The following SCN1A variants were observed in gnomAD, a reference collection of about 807,000 sequenced individuals.
The protein encoded by SCN1A is sodium channel protein type 1 subunit alpha.
A neutral mutation model predicts 193.7 loss-of-function variants in SCN1A; 13 were observed. The observed-to-expected ratio is 0.07, with a 90% CI of 0.04 to 0.11. The LOEUF (loss-of-function observed/expected upper bound fraction) is 0.11. Among genes scored for constraint, SCN1A ranks in the 10% least tolerant of loss-of-function variants. The pLI, the probability that SCN1A is intolerant of heterozygous loss-of-function variation, is 1.00. For synonymous variants in SCN1A, 781 were observed against 843.6 expected (o/e 0.93, Z 1.29); for missense variants, 1,432 against 2,451.1 (o/e 0.58, Z 8.78).
intron 23 of SCN1A, among the ~76,000 whole-genome samples, chr2:166,006,334 T>G (rs866140745): frequency 1.3e-5 from 2 of 151,414 alleles, no homozygotes; most frequent in African/African-American, 4.8e-5. Flanking sequence ...AAATTCTGAC[T>G]TTTTCTGTCT....
upstream of SCN1A, among the ~76,000 whole-genome samples, chr2:166,128,553 A>C (rs1211153235): frequency 6.6e-6 from 1 of 152,172 alleles, no homozygotes; most frequent in African/African-American, 2.4e-5. Context: ...TGTGAGTTTT[A>C]CTTCAACACT....
intron 23 of SCN1A, among the ~76,000 whole-genome samples, chr2:166,004,983 A>G (rs955618910): frequency 9.2e-5 from 14 of 151,448 alleles, no homozygotes; most frequent in Admixed American, 5.3e-4. Context: ...CATTTGGCAT[A>G]TGAGAAAAAT....
Position 165,992,483 on chromosome 2 carries a change from GTTTC to G in SCN1A, c.4853-65_4853-62del, listed in dbSNP as rs563909009. ...AAATCATGCGTTAAAATAAACATAT[GTTTC>G]TTCTAAAGCTCCAAGGTAAGGTTCA... On this transcript the variant is annotated intron_variant, in intron 28 of 28. Transcript: ENST00000674923. This position sits in a 1 kb window ranked among gnomAD's most constrained non-coding sequence, Gnocchi z 6.5. 234 of 1,595,028 alleles carry G rather than the reference GTTTC, an allele frequency of 1.5e-4. 2 individuals carry two copies. The African/African-American group carries it at 2.6e-3, about 18-fold the overall frequency.
At chr2:165,995,629 T>C (rs1195141993) in intron 27 of SCN1A, among the ~76,000 whole-genome samples, 2 of 151,774 alleles carry the variant, frequency 1.3e-5, no homozygotes, top group African/African-American at 4.8e-5. Flanking sequence ...TATTAGGAAA[T>C]TGCATTTCTT....
chr2:166,101,944 A>T (rs1227394424), intron 2 of SCN1A, among the ~76,000 whole-genome samples: 2 of 152,256 alleles, frequency 1.3e-5, no homozygotes, highest in Admixed American at 6.5e-5. Flanking sequence ...GACAACCAGC[A>T]GAATGGGAGA....
chr2:166,057,454 A>G (rs1699245690), intron 5 of SCN1A, among the ~76,000 whole-genome samples: 1 of 151,992 alleles, frequency 6.6e-6, no homozygotes, highest in South Asian at 2.1e-4. Context: ...AGGGTCCAGG[A>G]CTAGAATATA....
chr2:166,013,164 G>A (rs924855443), intron 21 of SCN1A, among the ~76,000 whole-genome samples: 2 of 151,226 alleles, frequency 1.3e-5, no homozygotes, highest in Non-Finnish European at 3.0e-5. Flanking sequence ...AAAATAAATT[G>A]ATTCTGATGA....
chr2:165,988,168 A>G lies in SCN1A; in HGVS notation c.*3077T>C, dbSNP rs946222451. 4 of 152,092 alleles carry G rather than the reference A, an allele frequency of 2.6e-5. No individual in the cohort carries two copies. Among genetic ancestry groups the G allele is most frequent in the Non-Finnish European group, 5.9e-5 (4 of 68,020 alleles). 9.4% of individuals were successfully genotyped at this position (152,092 alleles called of 1,614,324 possible). A position where few individuals can be genotyped will look rare whatever the true frequency, so the allele number is the denominator to read the frequency against. ...TCTGGACCACCCGAGTAACCTTTCC[A>G]TGATATCTGTGAATTCTGCACTGGA... is the stretch of plus-strand genomic sequence containing the variant. On this transcript the variant is annotated 3_prime_UTR_variant, in exon 29 of 29. Transcript: ENST00000674923.
intron 1 of SCN1A, chr2:166,133,729 G>A (rs1210954142): frequency 2.0e-5 from 3 of 152,018 alleles, no homozygotes; most frequent in Non-Finnish European, 4.4e-5. Flanking sequence ...ACTAAATGTC[G>A]TTTTTCAAAA....
intron 19 of SCN1A, among the ~76,000 whole-genome samples, chr2:166,016,889 C>T (rs1693383635): frequency 6.6e-6 from 1 of 151,450 alleles, no homozygotes; most frequent in Non-Finnish European, 1.5e-5. Context: ...AAATTAAACA[C>T]AATATTAAAA....
At position 166,041,315 on chromosome 2, in the gene SCN1A, A is replaced by G; in HGVS notation, c.2331T>C (p.Cys777=). The change falls in exon 16 of 29, where the codon TGT becomes TGC. Residue 777 remains cysteine, a synonymous_variant. Coordinates refer to ENST00000674923, the MANE Select transcript of SCN1A (RefSeq NM_001165963.4). ...DPFVDLAITI[C]IVLNTLFMAM... ...CCATGAAAAGAGTATTTAAGACAAT[A>G]CAGATGGTGATGGCCAGGTCAACAA... The G allele has an allele frequency of 6.2e-7, 1 of 1,614,072 alleles. No homozygotes were observed. Among genetic ancestry groups the G allele is most frequent in the Non-Finnish European group, 8.5e-7 (1 of 1,179,958 alleles).
chr2:166,076,151 TG>T (rs1684966284), intron 3 of SCN1A, among the ~76,000 whole-genome samples: 1 of 151,968 alleles, frequency 6.6e-6, no homozygotes, highest in African/African-American at 2.4e-5. Flanking sequence ...ATGTTAAAAT[TG>T]TTAGGTGATT....
chr2:166,069,061 GA>G (rs1456228318), intron 4 of SCN1A, among the ~76,000 whole-genome samples: 1 of 151,940 alleles, frequency 6.6e-6, no homozygotes, highest in Admixed American at 6.6e-5. Flanking sequence ...AGGAAACTGT[GA>G]AAAAAAGTCC....
intron 2 of SCN1A, among the ~76,000 whole-genome samples, chr2:166,112,142 G>A (rs1689359486): frequency 6.6e-6 from 1 of 152,252 alleles, no homozygotes; most frequent in African/African-American, 2.4e-5. Context: ...CTATCAAACA[G>A]CATCACATGC....
At chr2:166,014,415 A>G (rs563634858) in intron 20 of SCN1A, among the ~76,000 whole-genome samples, 2 of 151,726 alleles carry the variant, frequency 1.3e-5, no homozygotes, top group South Asian at 4.1e-4. Flanking sequence ...GCTAATTTGT[A>G]TGATTTGGCT....
chr2:166,119,531 T>C (rs1446146915), intron 2 of SCN1A, among the ~76,000 whole-genome samples: 1 of 152,170 alleles, frequency 6.6e-6, no homozygotes, highest in African/African-American at 2.4e-5. Context: ...AAACAACTCA[T>C]TGCAAATAGT....
In SCN1A at chr2:165,989,063, T is replaced by TGTGTGTGC. The variant is rs1688800366; in HGVS notation, c.*2181_*2182insGCACACAC. The TGTGTGTGC allele has an allele frequency of 1.7e-5, 1 of 58,722 alleles. No individual in the cohort carries two copies. The highest frequency in any genetic ancestry group is 4.4e-5 in the African/African-American group (1 of 22,590). 3.6% of individuals were successfully genotyped at this position (58,722 alleles called of 1,614,324 possible). ...GTGTGTGTGTGTGTGTGTGTGTGTG[T>TGTGTGTGC]GTGTGCGCGCGCGCTCCCCTTCTCC... On this transcript the variant is annotated 3_prime_UTR_variant, in exon 29 of 29. Coordinates refer to ENST00000674923, the MANE Select transcript of SCN1A (RefSeq NM_001165963.4).
At chr2:166,076,496 T>A (rs566830143) in intron 3 of SCN1A, among the ~76,000 whole-genome samples, 1 of 150,950 alleles carries the variant, frequency 6.6e-6, no homozygotes, top group East Asian at 1.9e-4. Flanking sequence ...TAATTTAATT[T>A]CTGTCAAAAT....
chr2:166,004,584 C>T (rs138345969), intron 23 of SCN1A, among the ~76,000 whole-genome samples: 390 of 151,514 alleles, frequency 2.6e-3, no homozygotes, highest in African/African-American at 9.0e-3. Context: ...TCCCCAAGTC[C>T]CACTTGAAAG....
Sources: allele counts gnomAD v4.1 joint callset (sites outside exome capture counted in the v4.1 genomes callset), GRCh38; gene constraint gnomAD v4.1.1; non-coding constraint Gnocchi (gnomAD v3.1); transcripts MANE v1.5; gene names NCBI Gene and HGNC (gene_info 2026-07-23, HGNC 2026-07-21).